Variants in PCDHGB6 observed in about 807,000 individuals in gnomAD.
PCDHGB6 encodes the protein protocadherin gamma-B6.
A neutral mutation model predicts 59.1 loss-of-function variants in PCDHGB6; 51 were observed. That is an observed-to-expected ratio of 0.86 (90% CI 0.69 to 1.09). The LOEUF (loss-of-function observed/expected upper bound fraction) is 1.09. Among genes scored for constraint, PCDHGB6 ranks in the 50% least tolerant of loss-of-function variants. The probability of loss-of-function intolerance (pLI) is 0.00; values close to 1 mark genes in which losing one functional copy is unlikely to be tolerated. For missense variants in PCDHGB6, 1,148 were observed against 1,205.1 expected, an observed-to-expected ratio of 0.95 and a Z score of 0.70; for synonymous variants, 466 against 495.1, an observed-to-expected ratio of 0.94 and a Z score of 0.78.
intron 2 of PCDHGB6, among the ~76,000 whole-genome samples, chr5:141,504,869 C>T (rs919109041): frequency 6.6e-6 from 1 of 152,134 alleles, no homozygotes; most frequent in Admixed American, 6.5e-5. Flanking sequence ...CCCACCTTCA[C>T]AGTCCTCTGG....
chr5:141,477,878 C>A lies in PCDHGB6; in HGVS notation c.2419-16929C>A. ...GCTGCCTCGAGGTACCTCAGCTGGC[C>A]ACCTAGTGTCACGGGTGGTAGGCTG... is the stretch of plus-strand genomic sequence containing the variant. On this transcript the variant is annotated intron_variant, in intron 1 of 3. Transcript: ENST00000520790. The surrounding 1 kb of genome is among the most constrained non-coding windows in gnomAD (Gnocchi z 4.9). 1.2e-6 allele frequency: 2 copies of A among 1,614,158 alleles called. No individual in the cohort carries two copies. Among genetic ancestry groups the A allele is most frequent in the Non-Finnish European group, 1.7e-6 (2 of 1,180,008 alleles).
chr5:141,426,873 C>T (rs1299082117), intron 1 of PCDHGB6: 1 of 456,702 alleles, frequency 2.2e-6, no homozygotes, highest in East Asian at 6.9e-5. Context: ...GCTGGAGAAG[C>T]CCCTGGGCCA....
chr5:141,432,864 G>A lies in PCDHGB6; in HGVS notation c.2418+22244G>A. On this transcript the variant is annotated intron_variant, in intron 1 of 3. Coordinates refer to ENST00000520790, the MANE Select transcript of PCDHGB6 (RefSeq NM_018926.3). The surrounding 1 kb of genome is among the most constrained non-coding windows in gnomAD (Gnocchi z 6.0). ...GTGGTAGCGGTGGCCGCGGTCTCCT[G>A]CGTCTTCCTGGCCTTCGTCATCTTG... 6.2e-7 allele frequency: 1 copy of A among 1,614,168 alleles called. No individual in the cohort carries two copies. Among genetic ancestry groups the A allele is most frequent in the South Asian group, 1.1e-5 (1 of 91,084 alleles).
At chr5:141,500,452 G>C (rs554196222) in intron 2 of PCDHGB6, among the ~76,000 whole-genome samples, 1 of 151,506 alleles carries the variant, frequency 6.6e-6, no homozygotes, top group South Asian at 2.1e-4. Context: ...CTCGTGATCC[G>C]CCCGCCTCGG....
Position 141,490,602 on chromosome 5 carries a change from C to G in PCDHGB6, c.2419-4205C>G, listed in dbSNP as rs1249440194. On this transcript the variant is annotated intron_variant, in intron 1 of 3. Transcript: ENST00000520790. This position sits in a 1 kb window ranked among gnomAD's most constrained non-coding sequence, Gnocchi z 5.4. Reference sequence around the variant, plus strand: ...ATGTCAATGACAATGCACCCCGCTTCAACCAGCAGCTTTACACTGCTTACA... The same window carrying G: ...ATGTCAATGACAATGCACCCCGCTTGAACCAGCAGCTTTACACTGCTTACA... The G allele has an allele frequency of 6.2e-7, 1 of 1,614,084 alleles. No individual in the cohort carries two copies. Among genetic ancestry groups the G allele is most frequent in the African/African-American group, 1.3e-5 (1 of 74,930 alleles).
At position 141,414,787 on chromosome 5, in the gene PCDHGB6, G is replaced by C. The variant is rs372484037; in HGVS notation, c.2418+4167G>C. ...TCATGAGCTACAGATGCAGGTGACA[G>C]CCAGCGACAGCGGGGATCCTCCACT... On this transcript the variant is annotated intron_variant, in intron 1 of 3. Coordinates refer to ENST00000520790, the MANE Select transcript of PCDHGB6 (RefSeq NM_018926.3). 12 of 1,614,230 alleles carry C rather than the reference G, an allele frequency of 7.4e-6. No homozygotes were observed. The highest frequency in any genetic ancestry group is 2.2e-5 in the East Asian group (1 of 44,874).
rs769187557 is a variant in PCDHGB6, at chr5:141,433,087, A to C, written c.2418+22467A>C. 2.5e-6 allele frequency: 4 copies of C among 1,614,206 alleles called. No homozygotes were observed. In the Admixed American group the frequency reaches 6.7e-5, roughly 27 times the overall value. On this transcript the variant is annotated intron_variant, in intron 1 of 3. Transcript: ENST00000520790. The stretch of plus-strand genomic sequence containing the variant: ...TGATCTTCCCCCAGCCCAACTATGC[A>C]GACATGCTCGTCAGCCAGGAGAGCT...
In PCDHGB6 at chr5:141,438,327, A is replaced by G. The variant is rs369043587; in HGVS notation, c.2418+27707A>G. 1.5e-4 allele frequency among the ~76,000 whole-genome samples: 23 copies of G among 152,106 alleles called. No homozygotes were observed. The East Asian group carries it at 4.1e-3, about 27-fold the overall frequency. ...TTGGTACCACCATAATTTTTCTTAT[A>G]CATGTCATATAAGGATCTACTCTGT... On this transcript the variant is annotated intron_variant, in intron 1 of 3. Transcript: ENST00000520790.
At chr5:141,502,951 C>G (rs1444086718) in intron 2 of PCDHGB6, among the ~76,000 whole-genome samples, 1 of 147,768 alleles carries the variant, frequency 6.8e-6, no homozygotes, top group African/African-American at 2.6e-5. Context: ...TCAAGCGATT[C>G]TCCTGCCTCA....
chr5:141,432,511 C>T lies in PCDHGB6; in HGVS notation c.2418+21891C>T. ...AGCTGGCTCCCCGCTCCGCAGAGCC[C>T]GGCTACCTGGTGACCAAGGTGGTGG... is the stretch of plus-strand genomic sequence containing the variant. On this transcript the variant is annotated intron_variant, in intron 1 of 3. Coordinates refer to ENST00000520790, the MANE Select transcript of PCDHGB6 (RefSeq NM_018926.3). This position sits in a 1 kb window ranked among gnomAD's most constrained non-coding sequence, Gnocchi z 6.0. 1 of 1,614,118 alleles carries T rather than the reference C, an allele frequency of 6.2e-7. No homozygotes were observed. The highest frequency in any genetic ancestry group is 8.5e-7 in the Non-Finnish European group (1 of 1,180,042).
chr5:141,491,783 A>C lies in PCDHGB6; in HGVS notation c.2419-3024A>C. 1 of 1,539,736 alleles carries C rather than the reference A, an allele frequency of 6.5e-7. No individual in the cohort carries two copies. The highest frequency in any genetic ancestry group is 1.2e-5 in the South Asian group (1 of 82,444). On this transcript the variant is annotated intron_variant, in intron 1 of 3. Coordinates refer to ENST00000520790, the MANE Select transcript of PCDHGB6 (RefSeq NM_018926.3). The surrounding 1 kb of genome is among the most constrained non-coding windows in gnomAD (Gnocchi z 6.9). ...CGTCCTCATAAGGGATTGAACTTGC[A>C]TCCACTCCTCTCCGGCCGGCTTGGT...
At chr5:141,450,786 C>A (rs1468388706) in intron 1 of PCDHGB6, among the ~76,000 whole-genome samples, 1 of 151,020 alleles carries the variant, frequency 6.6e-6, no homozygotes, top group Admixed American at 6.6e-5. Flanking sequence ...CGTGCCCGGA[C>A]CTCATGATTG....
At chr5:141,425,918 CG>C (rs2096903264) in intron 1 of PCDHGB6, among the ~76,000 whole-genome samples, 1 of 152,200 alleles carries the variant, frequency 6.6e-6, no homozygotes, top group Admixed American at 6.5e-5. Context: ...ACAGTCACTA[CG>C]AAAACTCATA....
In PCDHGB6 at chr5:141,512,385, A is replaced by G. The variant is rs78180647; in HGVS notation, c.*1212A>G. 6,750 of 152,704 alleles carry G rather than the reference A, an allele frequency of 0.044. 413 individuals carry two copies. Among genetic ancestry groups the G allele is most frequent in the Admixed American group, 0.18 (2,745 of 15,296 alleles). The allele number at this position is 152,704 out of a possible 1,614,324, so 9.5% of individuals were successfully genotyped here. ...TAGGGCAGGGACCAAATGAACAGAAAGTCTCAGCCCAGGATGGGGCTTCTT... is the reference window on the plus strand; with the variant it reads ...TAGGGCAGGGACCAAATGAACAGAAGGTCTCAGCCCAGGATGGGGCTTCTT... On this transcript the variant is annotated 3_prime_UTR_variant, in exon 4 of 4. Coordinates refer to ENST00000520790, the MANE Select transcript of PCDHGB6 (RefSeq NM_018926.3).
intron 1 of PCDHGB6, chr5:141,478,023 A>G (rs2099428714): frequency 6.2e-7 from 1 of 1,614,112 alleles, no homozygotes; most frequent in South Asian, 1.1e-5. Flanking sequence ...CCAGTCCAAG[A>G]CACAGATTCA....
intron 1 of PCDHGB6, chr5:141,428,335 T>G (rs535486665): frequency 3.3e-6 from 2 of 615,106 alleles, no homozygotes; most frequent in East Asian, 5.9e-5. Context: ...TTCTATGCTC[T>G]TCTTCCTCGC....
rs374181150 is a variant in PCDHGB6, at chr5:141,477,134, G to C, written c.2419-17673G>C. The C allele has an allele frequency of 2.5e-5, 41 of 1,614,092 alleles. No homozygotes were observed. Among genetic ancestry groups the C allele is most frequent in the Non-Finnish European group, 3.4e-5 (40 of 1,180,056 alleles). ...CGAAGGAGCACATTGCAAAGTGTTG[G>C]TGGAGGTTGTGGATGTGAATGACAA... is the stretch of plus-strand genomic sequence containing the variant. On this transcript the variant is annotated intron_variant, in intron 1 of 3. Coordinates refer to ENST00000520790, the MANE Select transcript of PCDHGB6 (RefSeq NM_018926.3). The surrounding 1 kb of genome is among the most constrained non-coding windows in gnomAD (Gnocchi z 4.9).
Position 141,431,431 on chromosome 5 carries a change from C to T in PCDHGB6, c.2418+20811C>T, listed in dbSNP as rs776557037. ...ACGGGGGCGACCCGGTGCGCACAGG[C>T]ACCGCGCGCATCCGCGTGATGGTTC... is the stretch of plus-strand genomic sequence containing the variant. On this transcript the variant is annotated intron_variant, in intron 1 of 3. Transcript: ENST00000520790. This position sits in a 1 kb window ranked among gnomAD's most constrained non-coding sequence, Gnocchi z 4.8. 11 of 1,613,586 alleles carry T rather than the reference C, an allele frequency of 6.8e-6. No individual in the cohort carries two copies. The East Asian group carries it at 1.1e-4, about 16-fold the overall frequency.
chr5:141,422,136 AGTACGGGG>A (rs772818860), intron 1 of PCDHGB6: 9 of 1,588,992 alleles, frequency 5.7e-6, no homozygotes, highest in Non-Finnish European at 7.7e-6. Flanking sequence ...GAGAAGTTCA[AGTACGGGG>A]GTCTCTGGAT....
Sources: gnomAD v4.1 joint callset for allele counts (sites outside exome capture counted in the v4.1 genomes callset) on GRCh38, gnomAD v4.1.1 for gene constraint, Gnocchi (gnomAD v3.1) non-coding constraint, MANE v1.5 for transcripts, NCBI Gene and HGNC (gene_info 2026-07-23, HGNC 2026-07-21) for gene names.